The following PPP2R1A variants were observed in gnomAD, a reference collection of about 807,000 sequenced individuals.
The protein encoded by PPP2R1A is protein phosphatase 2 scaffold subunit Aalpha.
Under a neutral mutation model 67.1 loss-of-function variants are expected in PPP2R1A, and 15 were observed. The ratio of observed to expected loss-of-function variants is 0.22; its 90% CI spans 0.15 to 0.34. The LOEUF (loss-of-function observed/expected upper bound fraction) is 0.34, where lower values mean the gene tolerates loss of function less well. Among genes scored for constraint, PPP2R1A ranks in the 10% least tolerant of loss-of-function variants. The pLI, the probability that PPP2R1A is intolerant of heterozygous loss-of-function variation, is 1.00. For synonymous variants in PPP2R1A, 337 were observed against 325.0 expected (o/e 1.04, Z -0.40); for missense variants, 369 against 775.0 (o/e 0.48, Z 6.22).
rs1487108459 is a variant in PPP2R1A, at chr19:52,228,841, C to T, written c.*2860C>T. Reference sequence around the variant, plus strand: ...TGACCCCTTCCTTCCACTGCATTGACCCAGACATCTGGATGTGGATGAGGT... The same window carrying T: ...TGACCCCTTCCTTCCACTGCATTGATCCAGACATCTGGATGTGGATGAGGT... On this transcript the variant is annotated 3_prime_UTR_variant, in exon 15 of 15. Transcript: ENST00000322088. The T allele has an allele frequency of 1.3e-5, 2 of 152,264 alleles. No individual in the cohort carries two copies. Among genetic ancestry groups the T allele is most frequent in the Admixed American group, 1.3e-4 (2 of 15,282 alleles). 9.4% of individuals were successfully genotyped at this position (152,264 alleles called of 1,614,324 possible).
At chr19:52,191,040 A>G (rs544619665) in intron 1 of PPP2R1A, 3 of 152,190 alleles carry the variant, frequency 2.0e-5, no homozygotes, top group Admixed American at 2.0e-4. Flanking sequence ...TTGTATTTTT[A>G]GCAGAGACGG....
At chr19:52,202,945 C>T (rs1309711310) in intron 2 of PPP2R1A, among the ~76,000 whole-genome samples, 3 of 152,246 alleles carry the variant, frequency 2.0e-5, no homozygotes, top group African/African-American at 7.2e-5. Context: ...GTAGGTAAAG[C>T]ATTTAATACA....
rs137938781 is a variant in PPP2R1A, at chr19:52,198,697, A to G, written c.79-3247A>G. 3.3e-5 allele frequency among the ~76,000 whole-genome samples: 5 copies of G among 152,290 alleles called. No individual in the cohort carries two copies. In the East Asian group the frequency reaches 9.7e-4, roughly 29 times the overall value. ...GTTTTTATGGAAGCTTCATGATACA[A>G]ACATTTTTGCCTAAATGACAGTATG... On this transcript the variant is annotated intron_variant, in intron 1 of 14. Transcript: ENST00000322088.
intron 13 of PPP2R1A, among the ~76,000 whole-genome samples, chr19:52,225,479 T>C (rs1979197780): frequency 6.6e-6 from 1 of 152,214 alleles, no homozygotes. Context: ...ATTCAAAATC[T>C]TCTCTTATAG....
chr19:52,198,023 G>A (rs2089511689), intron 1 of PPP2R1A, among the ~76,000 whole-genome samples: 1 of 152,226 alleles, frequency 6.6e-6, no homozygotes, highest in Non-Finnish European at 1.5e-5. Flanking sequence ...TCAGGATGCT[G>A]TCAGTGAGGC....
intron 12 of PPP2R1A, among the ~76,000 whole-genome samples, chr19:52,221,377 G>T (rs1978916732): frequency 6.6e-6 from 1 of 152,174 alleles, no homozygotes; most frequent in South Asian, 2.1e-4. Context: ...TGGGAGACTT[G>T]ACCTGTTGGA....
chr19:52,226,074 C>A lies in PPP2R1A; in HGVS notation c.*93C>A. On this transcript the variant is annotated 3_prime_UTR_variant, in exon 15 of 15. Coordinates refer to ENST00000322088, the MANE Select transcript of PPP2R1A (RefSeq NM_014225.6). ...GAGACACTGGGGGGCCTTTGGCTGT[C>A]ACTCCCTGTGCATGGTCTGACCCCA... The A allele has an allele frequency of 6.3e-7, 1 of 1,582,850 alleles. No individual in the cohort carries two copies. The highest frequency in any genetic ancestry group is 8.7e-7 in the Non-Finnish European group (1 of 1,152,606).
intron 1 of PPP2R1A, chr19:52,201,619 A>G (rs111937894): frequency 2.1e-5 from 7 of 337,808 alleles, no homozygotes; most frequent in Middle Eastern, 3.8e-4. Context: ...GATACTGTGT[A>G]TAGGAGAAAG....
Position 52,206,513 on chromosome 19 carries a change from A to G in PPP2R1A, c.270+450A>G, listed in dbSNP as rs183996709. On this transcript the variant is annotated intron_variant, in intron 3 of 14. Coordinates refer to ENST00000322088, the MANE Select transcript of PPP2R1A (RefSeq NM_014225.6). ...CTAACCGATGTTAACTGCAATTGTCATTATTGTTGCTGTGACATCATATCC... is the reference window on the plus strand; with the variant it reads ...CTAACCGATGTTAACTGCAATTGTCGTTATTGTTGCTGTGACATCATATCC... 1.7e-3 allele frequency among the ~76,000 whole-genome samples: 254 copies of G among 152,266 alleles called. 3 individuals carry two copies. Among genetic ancestry groups the G allele is most frequent in the Admixed American group, 0.015 (229 of 15,286 alleles).
At chr19:52,196,333 G>A (rs984930092) in intron 1 of PPP2R1A, among the ~76,000 whole-genome samples, 1 of 152,178 alleles carries the variant, frequency 6.6e-6, no homozygotes, top group Non-Finnish European at 1.5e-5. Flanking sequence ...TTCTCATATA[G>A]CAAGTTCAGC....
chr19:52,195,709 T>C (rs965206174), intron 1 of PPP2R1A, among the ~76,000 whole-genome samples: 1 of 152,132 alleles, frequency 6.6e-6, no homozygotes, highest in Admixed American at 6.5e-5. Flanking sequence ...TTATAAAGGA[T>C]AGTATAAAGA....
chr19:52,220,057 G>T, intron 10 of PPP2R1A, 132 bp from the exon 11 acceptor site: 1 of 1,228,832 alleles, frequency 8.1e-7, no homozygotes, highest in Non-Finnish European at 1.2e-6. Context: ...GGAGGGAAAG[G>T]AGCACCTCAG....
Position 52,211,134 on chromosome 19 carries a change from A to C in PPP2R1A, c.271-126A>C, listed in dbSNP as rs1048098893. The C allele has an allele frequency of 1.3e-6, 1 of 790,890 alleles. No homozygotes were observed. Among genetic ancestry groups the C allele is most frequent in the Non-Finnish European group, 2.0e-6 (1 of 504,536 alleles). 49.0% of individuals were successfully genotyped at this position (790,890 alleles called of 1,614,324 possible). A position where few individuals can be genotyped will look rare whatever the true frequency, so the allele number is the denominator to read the frequency against. On this transcript the variant is annotated intron_variant, in intron 3 of 14. Transcript: ENST00000322088. The surrounding 1 kb of genome is among the most constrained non-coding windows in gnomAD (Gnocchi z 5.3). ...CCATTTTTAAAGGCTATTTTAATGA[A>C]GGTCGGGATGGGTAATAGGGAAGTT...
chr19:52,203,879 A>G (rs1443648447), intron 2 of PPP2R1A, among the ~76,000 whole-genome samples: 1 of 152,110 alleles, frequency 6.6e-6, no homozygotes, highest in Non-Finnish European at 1.5e-5. Flanking sequence ...GGAAACACTT[A>G]TGTTTACTGG....
intron 1 of PPP2R1A, among the ~76,000 whole-genome samples, chr19:52,195,341 C>T (rs1413187197): frequency 6.6e-6 from 1 of 152,184 alleles, no homozygotes; most frequent in Non-Finnish European, 1.5e-5. Context: ...TTCCTATTCT[C>T]TCACTTAACA....
chr19:52,220,339 G>A (rs888310858), intron 11 of PPP2R1A, 90 bp downstream of exon 11: 19 of 1,405,096 alleles, frequency 1.4e-5, no homozygotes, highest in Non-Finnish European at 1.7e-5. Flanking sequence ...AGTGGAGGAG[G>A]CTAGAGTCAC....
At chr19:52,218,493 G>C (rs1978718889) in intron 9 of PPP2R1A, among the ~76,000 whole-genome samples, 1 of 152,084 alleles carries the variant, frequency 6.6e-6, no homozygotes, top group South Asian at 2.1e-4. Flanking sequence ...GTTTTAATCA[G>C]TTAATTACGT....
In PPP2R1A at chr19:52,211,735, C is replaced by T; in HGVS notation, c.503+243C>T. 3.6e-6 allele frequency: 2 copies of T among 559,068 alleles called. No individual in the cohort carries two copies. Among genetic ancestry groups the T allele is most frequent in the South Asian group, 2.4e-5 (1 of 41,244 alleles). 34.6% of individuals were successfully genotyped at this position (559,068 alleles called of 1,614,324 possible). Reference sequence around the variant, plus strand: ...ATTGAGATGATGACAGGTCCTCCTTCCCACTGGTTAATGTGAGGATTTAAA... The same window carrying T: ...ATTGAGATGATGACAGGTCCTCCTTTCCACTGGTTAATGTGAGGATTTAAA... On this transcript the variant is annotated intron_variant, in intron 4 of 14. Coordinates refer to ENST00000322088, the MANE Select transcript of PPP2R1A (RefSeq NM_014225.6). The surrounding 1 kb of genome is among the most constrained non-coding windows in gnomAD (Gnocchi z 5.3).
At chr19:52,202,519 C>T (rs2089560129) in intron 2 of PPP2R1A, among the ~76,000 whole-genome samples, 1 of 152,248 alleles carries the variant, frequency 6.6e-6, no homozygotes, top group Non-Finnish European at 1.5e-5. Flanking sequence ...ACATACATCA[C>T]TATCATTTCA....
Sources: allele counts gnomAD v4.1 joint callset (sites outside exome capture counted in the v4.1 genomes callset), GRCh38; gene constraint gnomAD v4.1.1; non-coding constraint Gnocchi (gnomAD v3.1); transcripts MANE v1.5; gene names NCBI Gene and HGNC (gene_info 2026-07-23, HGNC 2026-07-21).